Variants in ACMSD observed in about 807,000 individuals in gnomAD.
The protein encoded by ACMSD is aminocarboxymuconate semialdehyde decarboxylase, also known as 2-amino-3-carboxymuconate-6-semialdehyde decarboxylase.
Under a neutral mutation model 45.9 loss-of-function variants are expected in ACMSD, and 37 were observed. That is an observed-to-expected ratio of 0.81 (90% confidence interval 0.62 to 1.06). ACMSD has a LOEUF of 1.06. Among genes scored for constraint, ACMSD ranks in the 50% least tolerant of loss-of-function variants. The pLI, the probability that ACMSD is intolerant of heterozygous loss-of-function variation, is 0.00. For synonymous variants in ACMSD, 138 were observed against 148.8 expected (o/e 0.93, Z 0.53); for missense variants, 434 against 420.9 (o/e 1.03, Z -0.27).
chr2:134,855,476 T>C (rs577242807), intron 2 of ACMSD, among the ~76,000 whole-genome samples: 1 of 152,350 alleles, frequency 6.6e-6, no homozygotes, highest in Admixed American at 6.5e-5. Context: ...TGGCCAAGCT[T>C]GGGGCAGGGA....
intron 5 of ACMSD, among the ~76,000 whole-genome samples, chr2:134,865,422 G>A (rs1287324029): frequency 1.3e-5 from 2 of 152,168 alleles, no homozygotes; most frequent in Admixed American, 1.3e-4. Flanking sequence ...ATTACTAAGG[G>A]ACTTAGGAAG....
At chr2:134,852,035 G>A (rs964873407) in intron 2 of ACMSD, among the ~76,000 whole-genome samples, 2 of 152,178 alleles carry the variant, frequency 1.3e-5, no homozygotes, top group African/African-American at 4.8e-5. Context: ...GGTGTTTAAA[G>A]CTGGATGAAT....
intron 8 of ACMSD, among the ~76,000 whole-genome samples, chr2:134,894,926 A>G (rs1009872486): frequency 6.6e-6 from 1 of 152,236 alleles, no homozygotes; most frequent in Non-Finnish European, 1.5e-5. Context: ...TTGTATTTCT[A>G]TTTGTTAGCA....
chr2:134,896,880 G>C lies in ACMSD; in HGVS notation c.850-1461G>C, dbSNP rs763246536. ...CTACATATTATGTGATTCCATTTAT[G>C]TGAAATGTACCAACCAGGCAATTCT... On this transcript the variant is annotated intron_variant, in intron 8 of 9. Coordinates refer to ENST00000356140, the MANE Select transcript of ACMSD (RefSeq NM_138326.3). 1.1e-4 allele frequency among the ~76,000 whole-genome samples: 17 copies of C among 152,296 alleles called. No homozygotes were observed. The East Asian group carries it at 3.3e-3, about 29-fold the overall frequency.
intron 8 of ACMSD, among the ~76,000 whole-genome samples, chr2:134,887,329 T>C (rs890180893): frequency 6.6e-6 from 1 of 152,200 alleles, no homozygotes; most frequent in African/African-American, 2.4e-5. Context: ...GCAATCAAGA[T>C]AGTGTGATAT....
intron 3 of ACMSD, 127 bp from the exon 4 acceptor site, chr2:134,861,842 A>G: frequency 1.1e-6 from 1 of 950,284 alleles, no homozygotes. Context: ...GAGGACTGAG[A>G]GGGACGCAGG....
intron 4 of ACMSD, 64 bp from the exon 5 acceptor site, chr2:134,863,331 A>T: frequency 6.8e-7 from 1 of 1,465,106 alleles, no homozygotes; most frequent in Non-Finnish European, 9.5e-7. Context: ...GGCACTGTTC[A>T]GAGTGAATGT....
At chr2:134,860,823 C>A (rs1687811172) in intron 3 of ACMSD, among the ~76,000 whole-genome samples, 1 of 125,844 alleles carries the variant, frequency 7.9e-6, no homozygotes, top group Non-Finnish European at 1.6e-5. Flanking sequence ...AGTTCAGGAT[C>A]AGTCTGGGAA....
intron 2 of ACMSD, among the ~76,000 whole-genome samples, chr2:134,852,176 G>A (rs10432371): frequency 0.59 from 89,616 of 151,994 alleles, 28,182 homozygotes; most frequent in Middle Eastern, 0.92. Flanking sequence ...TAGATCATGC[G>A]GGGTCTTACA....
chr2:134,900,884 A>G (rs1315404754), intron 9 of ACMSD, among the ~76,000 whole-genome samples: 1 of 152,204 alleles, frequency 6.6e-6, no homozygotes, highest in Non-Finnish European at 1.5e-5. Flanking sequence ...TCTCCATCCA[A>G]CACTCTGAAG....
At chr2:134,872,411 G>A (rs1688501953) in intron 7 of ACMSD, 58 bp from the exon 8 acceptor site, 3 of 1,599,590 alleles carry the variant, frequency 1.9e-6, no homozygotes, top group East Asian at 2.2e-5. Context: ...ATAACATCAA[G>A]ACTAAAGGAA....
intron 1 of ACMSD, among the ~76,000 whole-genome samples, chr2:134,844,752 C>T (rs1344054010): frequency 6.6e-5 from 10 of 152,072 alleles, no homozygotes; most frequent in Admixed American, 6.6e-4. Flanking sequence ...GGGATATGAG[C>T]GGGACACCAA....
At chr2:134,851,304 A>G (rs2104829357) in intron 2 of ACMSD, among the ~76,000 whole-genome samples, 1 of 152,286 alleles carries the variant, frequency 6.6e-6, no homozygotes, top group South Asian at 2.1e-4. Context: ...AGGACAATTT[A>G]TTTTCCTCTG....
At chr2:134,843,844 C>T (rs753982905) in intron 1 of ACMSD, among the ~76,000 whole-genome samples, 1 of 152,200 alleles carries the variant, frequency 6.6e-6, no homozygotes, top group Non-Finnish European at 1.5e-5. Flanking sequence ...CCAGGACTAC[C>T]TTTTCAACCT....
chr2:134,855,777 A>G (rs1443649955), intron 2 of ACMSD, among the ~76,000 whole-genome samples: 2 of 152,266 alleles, frequency 1.3e-5, no homozygotes, highest in Admixed American at 1.3e-4. Context: ...AACAGGCTAC[A>G]GCACTTAAAG....
At chr2:134,869,945 C>T (rs1688344341) in intron 6 of ACMSD, among the ~76,000 whole-genome samples, 1 of 152,186 alleles carries the variant, frequency 6.6e-6, no homozygotes, top group South Asian at 2.1e-4. Context: ...CATCTCTCTG[C>T]CTTCAGGAAG....
chr2:134,856,638 T>C (rs1420261390), intron 2 of ACMSD, among the ~76,000 whole-genome samples: 1 of 152,180 alleles, frequency 6.6e-6, no homozygotes, highest in Non-Finnish European at 1.5e-5. Context: ...TTCTGAGAAA[T>C]GTCTTTTCAG....
chr2:134,885,309 A>G (rs1293532975), intron 8 of ACMSD, among the ~76,000 whole-genome samples: 1 of 93,736 alleles, frequency 1.1e-5, no homozygotes, highest in Admixed American at 1.7e-4. Flanking sequence ...ATATTTAAAT[A>G]TATATATATA....
intron 5 of ACMSD, among the ~76,000 whole-genome samples, chr2:134,866,249 T>A (rs963894261): frequency 1.3e-5 from 2 of 152,052 alleles, no homozygotes; most frequent in Non-Finnish European, 2.9e-5. Context: ...ATAACCAACC[T>A]GCACATGTAC....
Sources: gnomAD v4.1 joint callset for allele counts (sites outside exome capture counted in the v4.1 genomes callset) on GRCh38, gnomAD v4.1.1 for gene constraint, MANE v1.5 for transcripts, NCBI Gene and HGNC (gene_info 2026-07-23, HGNC 2026-07-21) for gene names.